Variants in PAX7 observed in about 807,000 individuals in gnomAD.
The protein encoded by PAX7 is paired box protein Pax-7.
A neutral mutation model predicts 50.7 loss-of-function variants in PAX7; 18 were observed. That is an observed-to-expected ratio of 0.36 (90% CI 0.25 to 0.53). The LOEUF (loss-of-function observed/expected upper bound fraction) is 0.53. Ranked by LOEUF, PAX7 falls within the 20% of genes least tolerant of loss-of-function variation. The pLI is 0.93. For synonymous variants in PAX7, 310 were observed against 290.4 expected, an observed-to-expected ratio of 1.07 and a Z score of -0.69; for missense variants, 644 against 702.9, an observed-to-expected ratio of 0.92 and a Z score of 0.95.
rs961519645 is a variant in PAX7, at chr1:18,747,723, A to G, written c.*2794A>G. 21 of 201,878 alleles carry G rather than the reference A, an allele frequency of 1.0e-4. No individual in the cohort carries two copies. The Admixed American group carries it at 1.1e-3, about 10-fold the overall frequency. 12.5% of individuals were successfully genotyped at this position (201,878 alleles called of 1,614,324 possible). On this transcript the variant is annotated 3_prime_UTR_variant, in exon 9 of 9. Transcript: ENST00000420770. ...AAGTCGCCGTTGGTCCTCTCTAAGGAGGGCTCTCTTCTGAGTTCATTGTAC... is the reference window on the plus strand; with the variant it reads ...AAGTCGCCGTTGGTCCTCTCTAAGGGGGGCTCTCTTCTGAGTTCATTGTAC...
In PAX7 at chr1:18,634,256, C is replaced by G. The variant is rs2088107144; in HGVS notation, c.86-47C>G. On this transcript the variant is annotated intron_variant, in intron 1 of 8. Coordinates refer to ENST00000420770, the MANE Select transcript of PAX7 (RefSeq NM_001135254.2). The surrounding 1 kb of genome is among the most constrained non-coding windows in gnomAD (Gnocchi z 4.0). ...AGTGTACTCAGTGTCTGCTCTCCATCCTCACCCTGCACCTCTCTCCTTCTG... is the reference window on the plus strand; with the variant it reads ...AGTGTACTCAGTGTCTGCTCTCCATGCTCACCCTGCACCTCTCTCCTTCTG... The G allele has an allele frequency of 6.7e-7, 1 of 1,491,800 alleles. No individual in the cohort carries two copies. The highest frequency in any genetic ancestry group is 1.4e-5 in the African/African-American group (1 of 72,286). 92.4% of individuals were successfully genotyped at this position (1,491,800 alleles called of 1,614,324 possible).
rs541898880 is a variant in PAX7 at position 18,724,095 on chromosome 1, C to T, written c.1156-11537C>T. On this transcript the variant is annotated intron_variant, in intron 7 of 8. Transcript: ENST00000420770. Reference sequence around the variant, plus strand: ...GCCGCTGCGTGCTCGGTGGGCCGGCCGGGAACCACCCAGCCGGCAAGGAGT... The same window carrying T: ...GCCGCTGCGTGCTCGGTGGGCCGGCTGGGAACCACCCAGCCGGCAAGGAGT... Among the ~76,000 whole-genome samples the T allele has an allele frequency of 2.0e-3, 308 of 152,320 alleles. 3 individuals carry two copies. Among genetic ancestry groups the T allele is most frequent in the Middle Eastern group, 6.8e-3 (2 of 294 alleles).
Position 18,631,671 on chromosome 1 carries a change from C to A in PAX7, c.68C>A (p.Thr23Lys). 1 of 1,612,712 alleles carries A rather than the reference C, an allele frequency of 6.2e-7. No homozygotes were observed. The highest frequency in any genetic ancestry group is 1.1e-5 in the South Asian group (1 of 90,590). ...RPAPGQNYPR[T>K]GFPLEVSTPL... ...GCTCCGGGGCAGAACTACCCCCGCA[C>A]GGGATTCCCTTTGGAAGGTAAGAAC... The change falls in exon 1 of 9, where the codon ACG becomes AAG. Residue 23 changes from threonine (T) to lysine (K), a missense_variant. By Grantham distance (78) the Thr-to-Lys change is moderately conservative. Transcript: ENST00000420770.
rs2088076741 is a variant in PAX7, at chr1:18,632,795, GAC to G, written c.85+1109_85+1110del. 6.6e-6 allele frequency among the ~76,000 whole-genome samples: 1 copy of G among 152,150 alleles called. No homozygotes were observed. Among genetic ancestry groups the G allele is most frequent in the Admixed American group, 6.5e-5 (1 of 15,278 alleles). Reference sequence around the variant, plus strand: ...GAGACGGCGCCGGGTCCCTGAATTAGACAGAGGCGAAGAGAGCGGCTCCGTGA... The same window carrying G: ...GAGACGGCGCCGGGTCCCTGAATTAGAGAGGCGAAGAGAGCGGCTCCGTGA... On this transcript the variant is annotated intron_variant, in intron 1 of 8. Transcript: ENST00000420770. The surrounding 1 kb of genome is among the most constrained non-coding windows in gnomAD (Gnocchi z 6.3).
intron 5 of PAX7, among the ~76,000 whole-genome samples, chr1:18,695,330 A>G (rs2089137502): frequency 6.6e-6 from 1 of 152,208 alleles, no homozygotes; most frequent in Non-Finnish European, 1.5e-5. Context: ...TTGCAGCTCC[A>G]GGTACATTCA....
At chr1:18,703,399 T>A in intron 7 of PAX7, 103 bp downstream of exon 7, 5 of 1,019,436 alleles carry the variant, frequency 4.9e-6, no homozygotes, top group Non-Finnish European at 6.0e-6. Flanking sequence ...TGTAGCAGGC[T>A]GACTGCGGTT....
chr1:18,636,380 C>A lies in PAX7; in HGVS notation c.586+9C>A. Reference sequence around the variant, plus strand: ...CATCCTGGGCGACAAAGGTAGGGAACTTCCCTGGGCTGCGAGGCCCCAGCC... The same window carrying A: ...CATCCTGGGCGACAAAGGTAGGGAAATTCCCTGGGCTGCGAGGCCCCAGCC... On this transcript the variant is annotated intron_variant, in intron 4 of 8. Transcript: ENST00000420770. The surrounding 1 kb of genome is among the most constrained non-coding windows in gnomAD (Gnocchi z 5.1). 6.2e-7 allele frequency: 1 copy of A among 1,612,736 alleles called. No homozygotes were observed. Among genetic ancestry groups the A allele is most frequent in the Non-Finnish European group, 8.5e-7 (1 of 1,178,910 alleles).
chr1:18,644,388 A>T (rs1025958365), intron 4 of PAX7, among the ~76,000 whole-genome samples: 4 of 152,000 alleles, frequency 2.6e-5, no homozygotes, highest in Admixed American at 2.6e-4. Flanking sequence ...GTTTCCTTCC[A>T]TGAAAAAAGA....
chr1:18,674,925 A>C (rs1257375802), intron 4 of PAX7, among the ~76,000 whole-genome samples: 1 of 152,076 alleles, frequency 6.6e-6, no homozygotes, highest in Non-Finnish European at 1.5e-5. Context: ...GGGCCCAACA[A>C]CCTGTGTTTC....
At chr1:18,663,819 G>A (rs569049597) in intron 4 of PAX7, among the ~76,000 whole-genome samples, 2 of 152,350 alleles carry the variant, frequency 1.3e-5, no homozygotes, top group South Asian at 2.1e-4. Flanking sequence ...TGAAAGATAC[G>A]TGGTATTGAC....
At chr1:18,635,323 G>C (rs1234895041) in intron 3 of PAX7, 83 bp downstream of exon 3, 2 of 1,508,808 alleles carry the variant, frequency 1.3e-6, no homozygotes, top group Non-Finnish European at 1.8e-6. Context: ...GGAGAGAGGG[G>C]AGAGGAGATG....
At chr1:18,662,333 C>A (rs749195821) in intron 4 of PAX7, among the ~76,000 whole-genome samples, 1 of 152,102 alleles carries the variant, frequency 6.6e-6, no homozygotes, top group Non-Finnish European at 1.5e-5. Flanking sequence ...GGAGAATGCG[C>A]GGGGCAATGC....
chr1:18,641,600 A>G (rs1321999593), intron 4 of PAX7, among the ~76,000 whole-genome samples: 4 of 152,206 alleles, frequency 2.6e-5, no homozygotes, highest in African/African-American at 9.6e-5. Flanking sequence ...GTTTGTACCT[A>G]AAAGACTAGT....
At chr1:18,737,996 C>T (rs545607622) in intron 8 of PAX7, among the ~76,000 whole-genome samples, 2 of 152,278 alleles carry the variant, frequency 1.3e-5, no homozygotes, top group South Asian at 4.1e-4. Flanking sequence ...TTGGAAGTAC[C>T]TGTGTGTGGA....
At chr1:18,648,282 G>C (rs575887220) in intron 4 of PAX7, among the ~76,000 whole-genome samples, 5 of 151,722 alleles carry the variant, frequency 3.3e-5, no homozygotes, top group African/African-American at 7.3e-5. Context: ...CAGTGATTTG[G>C]AAGTTCTTTG....
At chr1:18,723,797 C>T (rs1427297606) in intron 7 of PAX7, among the ~76,000 whole-genome samples, 2 of 152,096 alleles carry the variant, frequency 1.3e-5, no homozygotes, top group East Asian at 3.9e-4. Flanking sequence ...CTCTGTGTTG[C>T]AGCAAGAGCC....
intron 7 of PAX7, among the ~76,000 whole-genome samples, chr1:18,725,686 G>A (rs190372081): frequency 3.7e-4 from 56 of 152,254 alleles, no homozygotes; most frequent in Admixed American, 1.3e-3. Flanking sequence ...CTTTTCCAGC[G>A]ATCGGCCCCT....
At chr1:18,701,799 G>A (rs1318979388) in intron 6 of PAX7, among the ~76,000 whole-genome samples, 3 of 152,024 alleles carry the variant, frequency 2.0e-5, no homozygotes, top group South Asian at 4.2e-4. Flanking sequence ...CCAGTGGCTT[G>A]AAGTATAAGA....
chr1:18,726,231 C>G lies in PAX7; in HGVS notation c.1156-9401C>G, dbSNP rs2089570315. On this transcript the variant is annotated intron_variant, in intron 7 of 8. Coordinates refer to ENST00000420770, the MANE Select transcript of PAX7 (RefSeq NM_001135254.2). This position sits in a 1 kb window ranked among gnomAD's most constrained non-coding sequence, Gnocchi z 4.8. ...AAGCCATTCTGTTCCTCCCTCCACC[C>G]CCACCTCACCTCTAGACAGTCCTTA... Among the ~76,000 whole-genome samples, 1 of 152,066 alleles carries G rather than the reference C, an allele frequency of 6.6e-6. No individual in the cohort carries two copies. Among genetic ancestry groups the G allele is most frequent in the Non-Finnish European group, 1.5e-5 (1 of 68,000 alleles).
Sources: gnomAD v4.1 joint callset for allele counts (sites outside exome capture counted in the v4.1 genomes callset) on GRCh38, gnomAD v4.1.1 for gene constraint, Gnocchi (gnomAD v3.1) non-coding constraint, MANE v1.5 for transcripts, NCBI Gene and HGNC (gene_info 2026-07-23, HGNC 2026-07-21) for gene names.